NKAIN3: variants seen among roughly 807,000 people sequenced by gnomAD.
The protein encoded by NKAIN3 is sodium/potassium transporting ATPase interacting 3, also known as sodium/potassium-transporting ATPase subunit beta-1-interacting protein 3.
NKAIN3 carries 25 observed loss-of-function variants against 30.2 expected under a neutral mutation model. That is an observed-to-expected ratio of 0.83 (90% CI 0.60 to 1.16). NKAIN3 has a LOEUF of 1.16. NKAIN3 is among the 50% of genes most tolerant of loss of function. NKAIN3 has a pLI of 0.00. For synonymous variants in NKAIN3, 91 were observed against 89.6 expected (o/e 1.02, Z -0.09); for missense variants, 225 against 254.1 (o/e 0.89, Z 0.78).
intron 1 of NKAIN3, among the ~76,000 whole-genome samples, chr8:62,553,806 G>A (rs549851453): frequency 2.0e-4 from 31 of 152,208 alleles, no homozygotes; most frequent in African/African-American, 6.7e-4. Flanking sequence ...CCAAAGTGCT[G>A]GGATTACAGG....
intron 1 of NKAIN3, among the ~76,000 whole-genome samples, chr8:62,486,419 A>T (rs1806903810): frequency 6.6e-6 from 1 of 152,116 alleles, no homozygotes; most frequent in Non-Finnish European, 1.5e-5. Context: ...CAAAAAAAAA[A>T]TGTCTTTGTG....
chr8:62,529,402 A>G (rs954780614), intron 1 of NKAIN3, among the ~76,000 whole-genome samples: 5 of 152,118 alleles, frequency 3.3e-5, no homozygotes, highest in African/African-American at 7.2e-5. Flanking sequence ...CCACTCAACA[A>G]CAACAAAAAA....
chr8:62,944,351 G>C (rs1439537865), intron 5 of NKAIN3, among the ~76,000 whole-genome samples: 1 of 151,676 alleles, frequency 6.6e-6, no homozygotes, highest in Non-Finnish European at 1.5e-5. Flanking sequence ...TCTTCAACTT[G>C]GTTCTTCTTC....
chr8:62,249,227 C>G, intron 1 of NKAIN3, 100 bp downstream of exon 1: 1 of 1,040,290 alleles, frequency 9.6e-7, no homozygotes, highest in Non-Finnish European at 1.4e-6. Flanking sequence ...AAGGGGCGAA[C>G]GGGTGAACAG....
chr8:62,760,650 T>C (rs1816626126), intron 4 of NKAIN3, among the ~76,000 whole-genome samples: 1 of 140,084 alleles, frequency 7.1e-6, no homozygotes, highest in African/African-American at 2.6e-5. Flanking sequence ...GGGGGAGGGA[T>C]AGCATTAGGA....
At chr8:62,998,014 G>A (rs1327153616) in intron 5 of NKAIN3, among the ~76,000 whole-genome samples, 1 of 152,112 alleles carries the variant, frequency 6.6e-6, no homozygotes, top group Non-Finnish European at 1.5e-5. Flanking sequence ...TATTAAAATT[G>A]AGACTATGAG....
At chr8:62,748,856 A>G (rs1816173565) in intron 4 of NKAIN3, among the ~76,000 whole-genome samples, 1 of 152,190 alleles carries the variant, frequency 6.6e-6, no homozygotes, top group African/African-American at 2.4e-5. Flanking sequence ...TATAAATATA[A>G]TATACAGTCA....
chr8:62,678,315 A>G (rs1331764067), intron 3 of NKAIN3, among the ~76,000 whole-genome samples: 1 of 152,148 alleles, frequency 6.6e-6, no homozygotes, highest in Non-Finnish European at 1.5e-5. Flanking sequence ...GGAAGAATCT[A>G]CTTCTGCCTT....
Position 62,845,285 on chromosome 8 carries a change from T to TATATATATATATATATATA in NKAIN3, c.472-73168_472-73167insATATATATATATATATATA, listed in dbSNP as rs1819646049. On this transcript the variant is annotated intron_variant, in intron 4 of 6. Coordinates refer to ENST00000623646, the MANE Select transcript of NKAIN3 (RefSeq NM_001304533.3). ...ATTCATTGACCTGCTGGATAGTAGA[T>TATATATATATATATATATA]TATATATATATATATATATATATAT... 1.6e-4 allele frequency among the ~76,000 whole-genome samples: 11 copies of TATATATATATATATATATA among 68,928 alleles called. 1 individual carries two copies. The Admixed American group carries it at 1.6e-3, about 10-fold the overall frequency. 45.2% of individuals were successfully genotyped at this position (68,928 alleles called of 152,430 possible).
At chr8:62,412,315 AAC>A (rs758731250) in intron 1 of NKAIN3, among the ~76,000 whole-genome samples, 31 of 113,634 alleles carry the variant, frequency 2.7e-4, no homozygotes, top group Middle Eastern at 8.5e-3. Flanking sequence ...AAAACAAACA[AAC>A]AAAAAAAAAC....
intron 1 of NKAIN3, among the ~76,000 whole-genome samples, chr8:62,334,028 A>G (rs1182596702): frequency 6.6e-6 from 1 of 152,082 alleles, no homozygotes; most frequent in Non-Finnish European, 1.5e-5. Flanking sequence ...CAATATGGAG[A>G]AGCAGCTGAA....
chr8:62,934,600 G>T (rs1822725964), intron 5 of NKAIN3, among the ~76,000 whole-genome samples: 1 of 152,002 alleles, frequency 6.6e-6, no homozygotes. Context: ...CTACAGCCTG[G>T]TTCCCTGACT....
intron 3 of NKAIN3, among the ~76,000 whole-genome samples, chr8:62,639,386 T>C (rs1251148931): frequency 6.6e-6 from 1 of 152,028 alleles, no homozygotes; most frequent in Non-Finnish European, 1.5e-5. Flanking sequence ...CCCATGTGGC[T>C]AGAGAGACAG....
chr8:62,719,901 C>T (rs560478629), intron 3 of NKAIN3, among the ~76,000 whole-genome samples: 2 of 151,938 alleles, frequency 1.3e-5, no homozygotes, highest in African/African-American at 4.8e-5. Context: ...GGACTACAGG[C>T]TCTCGCTACC....
chr8:62,780,737 C>A (rs1376167380), intron 4 of NKAIN3, among the ~76,000 whole-genome samples: 1 of 151,822 alleles, frequency 6.6e-6, no homozygotes, highest in Non-Finnish European at 1.5e-5. Context: ...AATTCAATAC[C>A]CTTTCATGAA....
intron 4 of NKAIN3, among the ~76,000 whole-genome samples, chr8:62,916,034 T>C (rs1822090553): frequency 6.6e-6 from 1 of 152,196 alleles, no homozygotes; most frequent in Non-Finnish European, 1.5e-5. Context: ...TATCTTTAAG[T>C]GGAACTCTCC....
At chr8:62,739,542 A>G (rs1815794146) in intron 3 of NKAIN3, among the ~76,000 whole-genome samples, 2 of 152,144 alleles carry the variant, frequency 1.3e-5, no homozygotes, top group Admixed American at 1.3e-4. Flanking sequence ...ACAAGTTAGT[A>G]TGAGTTTATT....
intron 3 of NKAIN3, among the ~76,000 whole-genome samples, chr8:62,722,735 A>C (rs893346736): frequency 1.3e-5 from 2 of 152,154 alleles, no homozygotes; most frequent in Non-Finnish European, 2.9e-5. Context: ...AGTGAATAGC[A>C]TCCCTCCTTC....
chr8:62,433,838 T>A (rs1283266143), intron 1 of NKAIN3, among the ~76,000 whole-genome samples: 1 of 152,160 alleles, frequency 6.6e-6, no homozygotes, highest in Non-Finnish European at 1.5e-5. Flanking sequence ...TTTTTAGAAC[T>A]AAGTCCATAG....
Sources: gnomAD v4.1 joint callset for allele counts (sites outside exome capture counted in the v4.1 genomes callset) on GRCh38, gnomAD v4.1.1 for gene constraint, MANE v1.5 for transcripts, NCBI Gene and HGNC (gene_info 2026-07-23, HGNC 2026-07-21) for gene names.